The following TSHZ2 variants were observed in gnomAD, a reference collection of about 807,000 sequenced individuals.
TSHZ2 encodes teashirt zinc finger homeobox 2.
A neutral mutation model predicts 74.4 loss-of-function variants in TSHZ2; 21 were observed. The observed-to-expected ratio is 0.28, with a 90% CI of 0.20 to 0.41. The LOEUF is 0.41. Among genes scored for constraint, TSHZ2 ranks in the 10% least tolerant of loss-of-function variants. The pLI, the probability that TSHZ2 is intolerant of heterozygous loss-of-function variation, is 1.00. For missense variants in TSHZ2, 1,244 were observed against 1,293.5 expected, an observed-to-expected ratio of 0.96 and a Z score of 0.59; for synonymous variants, 540 against 515.3, an observed-to-expected ratio of 1.05 and a Z score of -0.65.
chr20:53,063,666 C>T (rs747752408), intron 1 of TSHZ2, among the ~76,000 whole-genome samples: 3 of 152,172 alleles, frequency 2.0e-5, no homozygotes, highest in Non-Finnish European at 4.4e-5. Flanking sequence ...TGTTTGCTTG[C>T]ATGCATATGC....
chr20:53,084,000 A>C (rs1985616045), intron 1 of TSHZ2, among the ~76,000 whole-genome samples: 3 of 152,064 alleles, frequency 2.0e-5, no homozygotes, highest in Non-Finnish European at 1.5e-5. Context: ...AAAAAAACTA[A>C]AATATTATTA....
At position 53,354,408 on chromosome 20, in the gene TSHZ2, C is replaced by G. The variant is rs537287594; in HGVS notation, c.*8+97837C>G. 3.3e-5 allele frequency among the ~76,000 whole-genome samples: 5 copies of G among 152,260 alleles called. No homozygotes were observed. The South Asian group carries it at 1.0e-3, about 32-fold the overall frequency. On this transcript the variant is annotated intron_variant, in intron 2 of 2. Transcript: ENST00000371497. ...CTGACTGGAATAGATTAATGTCTTG[C>G]TATTTGGCTTGTATAGTAGCAGCAT...
chr20:53,330,693 A>G (rs1458322926), intron 2 of TSHZ2, among the ~76,000 whole-genome samples: 1 of 152,218 alleles, frequency 6.6e-6, no homozygotes, highest in African/African-American at 2.4e-5. Context: ...AAAGAAAAAG[A>G]AAGACAGAAA....
intron 1 of TSHZ2, among the ~76,000 whole-genome samples, chr20:53,180,440 T>C (rs1160771595): frequency 6.6e-6 from 1 of 152,130 alleles, no homozygotes; most frequent in Non-Finnish European, 1.5e-5. Context: ...ACTCAGCCAA[T>C]TGGGTTTCAT....
intron 1 of TSHZ2, among the ~76,000 whole-genome samples, chr20:53,239,927 C>A (rs117521575): frequency 6.6e-6 from 1 of 152,148 alleles, no homozygotes; most frequent in Non-Finnish European, 1.5e-5. Context: ...TGTGCGCATA[C>A]AAATTAGATA....
chr20:52,986,694 A>C lies in TSHZ2; in HGVS notation c.40+13361A>C, dbSNP rs186069305. Among the ~76,000 whole-genome samples the C allele has an allele frequency of 3.1e-4, 47 of 152,230 alleles. No individual in the cohort carries two copies. The East Asian group carries it at 7.7e-3, about 25-fold the overall frequency. On this transcript the variant is annotated intron_variant, in intron 1 of 2. Coordinates refer to ENST00000371497, the MANE Select transcript of TSHZ2 (RefSeq NM_173485.6). ...AAGTGAGCCGAGATCTCGCCACTGC[A>C]CTCCAGCCTGGGCAACAGAGTGAAA...
At chr20:53,190,929 G>T (rs1568803922) in intron 1 of TSHZ2, among the ~76,000 whole-genome samples, 1 of 152,014 alleles carries the variant, frequency 6.6e-6, no homozygotes, top group Non-Finnish European at 1.5e-5. Flanking sequence ...CATTTTTTTT[G>T]TGAAATGAAT....
At chr20:53,050,124 T>TATAC (rs1409158633) in intron 1 of TSHZ2, among the ~76,000 whole-genome samples, 4 of 107,236 alleles carry the variant, frequency 3.7e-5, no homozygotes, top group African/African-American at 2.6e-4. Context: ...TATATATATA[T>TATAC]ACACATATAT....
intron 2 of TSHZ2, among the ~76,000 whole-genome samples, chr20:53,436,270 C>T (rs922618912): frequency 6.6e-6 from 1 of 152,120 alleles, no homozygotes; most frequent in African/African-American, 2.4e-5. Flanking sequence ...CTGGGATTCT[C>T]CTGTTCAGGC....
Position 53,253,934 on chromosome 20 carries a change from A to G in TSHZ2, c.476A>G (p.Asn159Ser). ...GAGAGGAGGAACTGTGACACCCGAA[A>G]CGGCAGCAACAAGAGTGATTTTGAT... Reference protein sequence around the residue: ...NSERRNCDTRNGSNKSDFDWH... With the variant: ...NSERRNCDTRSGSNKSDFDWH... Residue 159 changes from asparagine (N) to serine (S), a missense_variant, in exon 2 of 3, where the codon AAC becomes AGC. Physicochemically the swap from Asn to Ser is conservative, Grantham distance 46 (BLOSUM62 1). This residue lies in a region of TSHZ2 where 470 missense variants were observed against 456.5 expected (regional missense o/e 1.03). Transcript: ENST00000371497. 1 of 1,614,136 alleles carries G rather than the reference A, an allele frequency of 6.2e-7. No individual in the cohort carries two copies. Among genetic ancestry groups the G allele is most frequent in the Non-Finnish European group, 8.5e-7 (1 of 1,180,026 alleles).
At chr20:53,035,529 G>T (rs548859793) in intron 1 of TSHZ2, among the ~76,000 whole-genome samples, 2 of 152,292 alleles carry the variant, frequency 1.3e-5, no homozygotes, top group South Asian at 4.1e-4. Flanking sequence ...TAGGAATCAA[G>T]AAATATAGTG....
At chr20:53,382,862 A>G (rs1210062414) in intron 2 of TSHZ2, among the ~76,000 whole-genome samples, 1 of 152,214 alleles carries the variant, frequency 6.6e-6, no homozygotes, top group Admixed American at 6.5e-5. Context: ...TCTAGCTCTC[A>G]GTTCTATGAC....
intron 2 of TSHZ2, among the ~76,000 whole-genome samples, chr20:53,420,121 G>T (rs1983415498): frequency 6.6e-6 from 1 of 152,216 alleles, no homozygotes; most frequent in African/African-American, 2.4e-5. Context: ...GTTCACACTG[G>T]AAGGAAAGAG....
intron 1 of TSHZ2, among the ~76,000 whole-genome samples, chr20:53,211,040 A>T (rs2123610530): frequency 6.6e-6 from 1 of 152,352 alleles, no homozygotes; most frequent in South Asian, 2.1e-4. Context: ...CCATCTGGAC[A>T]TAATAAAAAC....
chr20:53,053,764 A>G (rs1290994382), intron 1 of TSHZ2, among the ~76,000 whole-genome samples: 2 of 152,208 alleles, frequency 1.3e-5, no homozygotes, highest in African/African-American at 4.8e-5. Flanking sequence ...TTATGCCTCA[A>G]TGCAAGGGAT....
In TSHZ2 at chr20:53,460,359, A is replaced by C. The variant is rs867981560; in HGVS notation, c.*9-26785A>C. Among the ~76,000 whole-genome samples the C allele has an allele frequency of 4.1e-3, 621 of 151,790 alleles. 2 individuals are homozygous for C. Among genetic ancestry groups the C allele is most frequent in the South Asian group, 0.039 (187 of 4,824 alleles). ...TCGCATCGGCTCCTGAGGCTTCTGCATTCTTCACGTAGTTCTCCAGCCTTG... is the reference window on the plus strand; with the variant it reads ...TCGCATCGGCTCCTGAGGCTTCTGCCTTCTTCACGTAGTTCTCCAGCCTTG... On this transcript the variant is annotated intron_variant, in intron 2 of 2. Coordinates refer to ENST00000371497, the MANE Select transcript of TSHZ2 (RefSeq NM_173485.6).
At chr20:53,220,728 C>G (rs541076482) in intron 1 of TSHZ2, among the ~76,000 whole-genome samples, 4 of 152,072 alleles carry the variant, frequency 2.6e-5, no homozygotes, top group Admixed American at 2.6e-4. Context: ...TCCTGTGGCA[C>G]CTTGTAGGGT....
At chr20:53,311,584 C>T (rs1012338107) in intron 2 of TSHZ2, among the ~76,000 whole-genome samples, 3 of 152,330 alleles carry the variant, frequency 2.0e-5, no homozygotes, top group South Asian at 2.1e-4. Context: ...AGACTGTGAA[C>T]GTGCATCTTG....
intron 1 of TSHZ2, among the ~76,000 whole-genome samples, chr20:53,014,085 T>C (rs1023971853): frequency 4.6e-5 from 7 of 152,174 alleles, no homozygotes; most frequent in African/African-American, 1.7e-4. Context: ...CAAACACTTA[T>C]TGCTTACAAT....
Sources: gnomAD v4.1 joint callset for allele counts (sites outside exome capture counted in the v4.1 genomes callset) on GRCh38, gnomAD v4.1.1 for gene constraint, gnomAD v4.1.1 regional missense constraint, MANE v1.5 for transcripts, NCBI Gene and HGNC (gene_info 2026-07-23, HGNC 2026-07-21) for gene names.